The following HK1 variants were observed in gnomAD, a reference collection of about 807,000 sequenced individuals.
HK1 encodes hexokinase-1.
Under a neutral mutation model 91.6 loss-of-function variants are expected in HK1, and 28 were observed. The observed-to-expected ratio is 0.31, with a 90% CI of 0.23 to 0.42. The LOEUF (loss-of-function observed/expected upper bound fraction) is 0.42. Among genes scored for constraint, HK1 ranks in the 10% least tolerant of loss-of-function variants. HK1 has a pLI of 1.00. For missense variants in HK1, 770 were observed against 1,219.8 expected (o/e 0.63, Z 5.49); for synonymous variants, 430 against 468.1 (o/e 0.92, Z 1.05).
chr10:69,378,732 TA>T lies in HK1; in HGVS notation c.1032-1129del, dbSNP rs141766167. On this transcript the variant is annotated intron_variant, in intron 8 of 17. Transcript: ENST00000359426. Reference sequence around the variant, plus strand: ...ACTGTGCCCAGCCCCCATCCTCTTCTATCATTTTTAAAATCTCTTCTCCCAT... The same window carrying T: ...ACTGTGCCCAGCCCCCATCCTCTTCTTCATTTTTAAAATCTCTTCTCCCAT... Among the ~76,000 whole-genome samples the T allele has an allele frequency of 2.6e-3, 395 of 152,326 alleles. 2 individuals carry two copies. Among genetic ancestry groups the T allele is most frequent in the African/African-American group, 8.6e-3 (357 of 41,574 alleles).
exon 2 of HK1, chr10:69,282,609 C>G (rs1844803856): frequency 6.6e-6 from 1 of 152,202 alleles, no homozygotes; most frequent in African/African-American, 2.4e-5. Context: ...CTACCCACAC[C>G]TGCTTTGTGC....
At chr10:69,354,207 C>T (rs186122090) in intron 2 of HK1, among the ~76,000 whole-genome samples, 3 of 151,632 alleles carry the variant, frequency 2.0e-5, no homozygotes, top group Admixed American at 2.0e-4. Context: ...TCTGGTTTTT[C>T]CTCTGTGTGT....
upstream of HK1, among the ~76,000 whole-genome samples, chr10:69,314,014 G>A (rs571383735): frequency 2.1e-3 from 326 of 152,254 alleles, 4 homozygotes; most frequent in Non-Finnish European, 2.1e-3. Flanking sequence ...CTCTCCAGGG[G>A]CTGGGTGGCC....
intron 7 of HK1, among the ~76,000 whole-genome samples, chr10:69,374,619 C>T (rs537538352): frequency 2.4e-4 from 37 of 152,276 alleles, no homozygotes; most frequent in East Asian, 5.8e-4. Flanking sequence ...GAGAGAAGCT[C>T]GTGAGAGGTG....
Position 69,288,805 on chromosome 10 carries a change from T to A in HK1, c.-115+35T>A, listed in dbSNP as rs184417904. Reference sequence around the variant, plus strand: ...GGTGTTTCTTTCTTTCTTTCTTTTTTTGAGACGTTTTTGTTCCATCGCCCA... The same window carrying A: ...GGTGTTTCTTTCTTTCTTTCTTTTTATGAGACGTTTTTGTTCCATCGCCCA... On this transcript the variant is annotated intron_variant, in intron 3 of 21. Transcript: ENST00000360289. 1,576 of 1,593,524 alleles carry A rather than the reference T, an allele frequency of 9.9e-4. 4 individuals are homozygous for A. The highest frequency in any genetic ancestry group is 1.1e-3 in the South Asian group (99 of 90,576).
At chr10:69,283,371 T>C (rs1419352211) in intron 2 of HK1, among the ~76,000 whole-genome samples, 1 of 148,206 alleles carries the variant, frequency 6.7e-6, no homozygotes, top group Non-Finnish European at 1.5e-5. Flanking sequence ...GAAGGATCAC[T>C]TGGGCGCAGG....
intron 3 of HK1, among the ~76,000 whole-genome samples, chr10:69,361,465 G>A (rs1849414649): frequency 1.3e-5 from 2 of 152,198 alleles, no homozygotes; most frequent in South Asian, 4.1e-4. Flanking sequence ...AACACACACT[G>A]GCCTATCACT....
intron 2 of HK1, among the ~76,000 whole-genome samples, chr10:69,351,855 C>T (rs1405802532): frequency 1.3e-5 from 2 of 152,122 alleles, no homozygotes; most frequent in African/African-American, 4.8e-5. Context: ...TAAAAGGATA[C>T]GTATAAGCAC....
At chr10:69,339,141 G>A (rs1450646710) in intron 1 of HK1, among the ~76,000 whole-genome samples, 1 of 150,820 alleles carries the variant, frequency 6.6e-6, no homozygotes, top group Non-Finnish European at 1.5e-5. Flanking sequence ...GAAGTTTTCT[G>A]CAGGTGTCTC....
intron 13 of HK1, 92 bp downstream of exon 13, chr10:69,386,510 G>T (rs1589576479): frequency 1.9e-6 from 2 of 1,040,028 alleles, no homozygotes; most frequent in East Asian, 5.6e-5. Flanking sequence ...CAGGCCAGGC[G>T]TGGTGGCTCA....
At chr10:69,291,941 G>T (rs936618962) in intron 3 of HK1, among the ~76,000 whole-genome samples, 3 of 152,164 alleles carry the variant, frequency 2.0e-5, no homozygotes, top group Admixed American at 2.0e-4. Flanking sequence ...CTATCATGGG[G>T]GTGTCAGTGT....
intron 2 of HK1, among the ~76,000 whole-genome samples, chr10:69,348,701 C>T (rs565036392): frequency 6.6e-6 from 1 of 152,106 alleles, no homozygotes; most frequent in Non-Finnish European, 1.5e-5. Flanking sequence ...ATCCCAGCTA[C>T]CTGGGAGGCT....
intron 1 of HK1, among the ~76,000 whole-genome samples, chr10:69,323,178 G>A (rs553695033): frequency 9.2e-5 from 14 of 151,414 alleles, no homozygotes; most frequent in African/African-American, 2.4e-4. Flanking sequence ...CCGGGGAGGC[G>A]GAGGTTGCAT....
chr10:69,307,672 T>C (rs1846166677), intron 5 of HK1, among the ~76,000 whole-genome samples: 1 of 152,120 alleles, frequency 6.6e-6, no homozygotes, highest in African/African-American at 2.4e-5. Context: ...ATTACGAGTA[T>C]CCACCTCATT....
chr10:69,354,998 G>A (rs1564536081), intron 2 of HK1, among the ~76,000 whole-genome samples: 1 of 150,762 alleles, frequency 6.6e-6, no homozygotes, highest in Non-Finnish European at 1.5e-5. Flanking sequence ...GAACCTGGGA[G>A]GCAGAGGTTG....
intron 4 of HK1, chr10:69,300,403 T>G: frequency 1.6e-6 from 1 of 617,142 alleles, no homozygotes; most frequent in Non-Finnish European, 2.8e-6. Context: ...CATGAGGCAT[T>G]TTATTTGTAA....
chr10:69,340,113 C>A (rs1471879673), intron 1 of HK1, among the ~76,000 whole-genome samples: 1 of 152,208 alleles, frequency 6.6e-6, no homozygotes, highest in South Asian at 2.1e-4. Flanking sequence ...AATATGTTTT[C>A]TTTCCCTGGG....
At chr10:69,352,793 A>T (rs375836636) in intron 2 of HK1, among the ~76,000 whole-genome samples, 53 of 152,322 alleles carry the variant, frequency 3.5e-4, no homozygotes, top group Middle Eastern at 6.8e-3. Flanking sequence ...CTAAAATTAG[A>T]TAGTGGTGAT....
At position 69,339,480 on chromosome 10, in the gene HK1, G is replaced by A. The variant is rs533080309; in HGVS notation, c.64-4347G>A. ...CCAGTATTCATGTCTCTTCTGAGAG[G>A]GGTTGTACCTCATGACGACTCATGA... On this transcript the variant is annotated intron_variant, in intron 1 of 17. Coordinates refer to ENST00000359426, the MANE Select transcript of HK1 (RefSeq NM_000188.3). Among the ~76,000 whole-genome samples the A allele has an allele frequency of 8.5e-5, 13 of 152,300 alleles. No homozygotes were observed. In the South Asian group the frequency reaches 2.5e-3, roughly 29 times the overall value.
Sources: allele counts gnomAD v4.1 joint callset (sites outside exome capture counted in the v4.1 genomes callset), GRCh38; gene constraint gnomAD v4.1.1; transcripts MANE v1.5; gene names NCBI Gene and HGNC (gene_info 2026-07-23, HGNC 2026-07-21).